PROX1: variants seen among roughly 807,000 people sequenced by gnomAD.
PROX1 encodes the protein prospero homeobox 1, also known as prospero homeobox protein 1.
PROX1 carries 7 observed loss-of-function variants against 58.8 expected under a neutral mutation model. That is an observed-to-expected ratio of 0.12 (90% confidence interval 0.07 to 0.22). PROX1 has a LOEUF of 0.22. Ranked by LOEUF, PROX1 falls within the 10% of genes least tolerant of loss-of-function variation. The pLI is 1.00. For missense variants in PROX1, 675 were observed against 927.8 expected (o/e 0.73, Z 3.54); for synonymous variants, 350 against 358.3 (o/e 0.98, Z 0.26).
At chr1:214,025,512 G>A (rs2102763358) in intron 4 of PROX1, among the ~76,000 whole-genome samples, 1 of 152,166 alleles carries the variant, frequency 6.6e-6, no homozygotes, top group Admixed American at 6.5e-5. Context: ...ATCCAACCTA[G>A]ACCAAATATG....
intron 3 of PROX1, among the ~76,000 whole-genome samples, chr1:214,006,995 G>T (rs1286108013): frequency 6.6e-6 from 1 of 152,150 alleles, no homozygotes; most frequent in Non-Finnish European, 1.5e-5. Context: ...CAGCCATTCT[G>T]AGCCAACACT....
intron 4 of PROX1, among the ~76,000 whole-genome samples, chr1:214,027,856 T>TTATATATATA (rs139270548): frequency 1.2e-4 from 18 of 144,928 alleles, no homozygotes; most frequent in African/African-American, 4.5e-4. Context: ...TTTCGAAGCT[T>TTATATATATA]TATATATATA....
At chr1:214,024,144 T>A (rs1193293688) in intron 4 of PROX1, among the ~76,000 whole-genome samples, 1 of 152,052 alleles carries the variant, frequency 6.6e-6, no homozygotes. Context: ...TGGGTAGGAG[T>A]CTAGTGGACT....
chr1:214,009,522 TG>T lies in PROX1; in HGVS notation c.1834-1997del, dbSNP rs557354405. Among the ~76,000 whole-genome samples the T allele has an allele frequency of 5.5e-3, 839 of 152,324 alleles. 5 individuals are homozygous for T. Among genetic ancestry groups the T allele is most frequent in the African/African-American group, 0.014 (576 of 41,582 alleles). ...TGAACAAATTTTAGTTCACTTCTCC[TG>T]GAGGGAAACCCTGTTCCTTAGGCTG... On this transcript the variant is annotated intron_variant, in intron 3 of 4. Coordinates refer to ENST00000366958, the MANE Select transcript of PROX1 (RefSeq NM_001270616.2).
intron 4 of PROX1, among the ~76,000 whole-genome samples, chr1:214,019,112 A>G (rs1296167846): frequency 6.6e-6 from 1 of 152,176 alleles, no homozygotes; most frequent in African/African-American, 2.4e-5. Flanking sequence ...ACTGAGCAAG[A>G]GCCACTGGCA....
In PROX1 at chr1:214,032,014, T is replaced by C. The variant is rs559441045; in HGVS notation, c.2029-3635T>C. Among the ~76,000 whole-genome samples, 5 of 152,366 alleles carry C rather than the reference T, an allele frequency of 3.3e-5. No individual in the cohort carries two copies. In the East Asian group the frequency reaches 7.7e-4, roughly 24 times the overall value. On this transcript the variant is annotated intron_variant, in intron 4 of 4. Coordinates refer to ENST00000366958, the MANE Select transcript of PROX1 (RefSeq NM_001270616.2). ...GAGTATCACCTCAAAGTAAGCACTA[T>C]ATTAACTAATCATTTTATTTGTTCA...
At chr1:214,013,923 A>G (rs1571825539) in intron 4 of PROX1, among the ~76,000 whole-genome samples, 1 of 152,318 alleles carries the variant, frequency 6.6e-6, no homozygotes, top group Non-Finnish European at 1.5e-5. Flanking sequence ...AGAAGGGAAG[A>G]AAGCAGGACC....
chr1:214,006,629 G>T (rs3754138), intron 3 of PROX1, among the ~76,000 whole-genome samples: 41,691 of 151,966 alleles, frequency 0.27, 5,939 homozygotes, highest in Admixed American at 0.39. Flanking sequence ...CAAATTGAAG[G>T]CAATTTGTCA....
chr1:214,031,066 T>C (rs10157262), intron 4 of PROX1, among the ~76,000 whole-genome samples: 6,708 of 95,000 alleles, frequency 0.071, 276 homozygotes, highest in African/African-American at 0.14. Flanking sequence ...TGTGTGTGTG[T>C]GCGCGCGCGC....
chr1:214,017,693 C>G (rs372898840), intron 4 of PROX1, among the ~76,000 whole-genome samples: 11 of 152,204 alleles, frequency 7.2e-5, no homozygotes, highest in South Asian at 2.1e-4. Flanking sequence ...CGCACCCCCC[C>G]ACAAATGATC....
intron 4 of PROX1, among the ~76,000 whole-genome samples, chr1:214,013,378 C>T (rs946972107): frequency 7.9e-5 from 12 of 152,100 alleles, no homozygotes; most frequent in African/African-American, 2.9e-4. Flanking sequence ...TTCTGCTAAG[C>T]CTGTTGCCCT....
chr1:214,040,354 T>A lies in PROX1; in HGVS notation c.*4520T>A, dbSNP rs188458481. 1 of 152,218 alleles carries A rather than the reference T, an allele frequency of 6.6e-6. No individual in the cohort carries two copies. The highest frequency in any genetic ancestry group is 1.5e-5 in the Non-Finnish European group (1 of 68,026). 9.4% of individuals were successfully genotyped at this position (152,218 alleles called of 1,614,324 possible). On this transcript the variant is annotated 3_prime_UTR_variant, in exon 5 of 5. Coordinates refer to ENST00000366958, the MANE Select transcript of PROX1 (RefSeq NM_001270616.2). ...CTTTTCAACTGAGCCTTCTCTCAAA[T>A]CTGACACCCCCTCAGAATGCACAAA...
At position 214,031,066 on chromosome 1, in the gene PROX1, T is replaced by TGCGC. The variant is rs1227672820; in HGVS notation, c.2029-4574_2029-4571dup. 5.6e-3 allele frequency among the ~76,000 whole-genome samples: 531 copies of TGCGC among 95,120 alleles called. 1 individual carries two copies. Among genetic ancestry groups the TGCGC allele is most frequent in the African/African-American group, 0.016 (505 of 31,272 alleles). The allele number at this position is 95,120 out of a possible 152,430, so 62.4% of individuals were successfully genotyped here. A position where few individuals can be genotyped will look rare whatever the true frequency, so the allele number is the denominator to read the frequency against. ...GTGTGTGTGTGTGTGTGTGTGTGTG[T>TGCGC]GCGCGCGCGCGCATTCGCGCACGCA... On this transcript the variant is annotated intron_variant, in intron 4 of 4. Coordinates refer to ENST00000366958, the MANE Select transcript of PROX1 (RefSeq NM_001270616.2).
At chr1:213,999,589 C>A (rs1407908253) in intron 2 of PROX1, among the ~76,000 whole-genome samples, 1 of 152,092 alleles carries the variant, frequency 6.6e-6, no homozygotes, top group Non-Finnish European at 1.5e-5. Flanking sequence ...AATCATGAGT[C>A]CTGCTTGGGC....
In PROX1 at chr1:214,038,510, C is replaced by T. The variant is rs1571852469; in HGVS notation, c.*2676C>T. The T allele has an allele frequency of 6.6e-6, 1 of 151,074 alleles. No individual in the cohort carries two copies. Among genetic ancestry groups the T allele is most frequent in the Non-Finnish European group, 1.5e-5 (1 of 67,830 alleles). 9.4% of individuals were successfully genotyped at this position (151,074 alleles called of 1,614,324 possible). On this transcript the variant is annotated 3_prime_UTR_variant, in exon 5 of 5. Transcript: ENST00000366958. ...ATGGTGAAGGATGAGGGACAGTTTA[C>T]ATAGGAAAAGAAAAAAAAAAGTCTA...
chr1:213,986,216 C>A (rs1426497235), upstream of PROX1: 2 of 151,382 alleles, frequency 1.3e-5, no homozygotes, highest in Non-Finnish European at 2.9e-5. Context: ...GGTGCGTGTG[C>A]GCTCCTCTGT....
intron 2 of PROX1, among the ~76,000 whole-genome samples, chr1:213,999,007 A>C (rs1388706462): frequency 6.6e-6 from 1 of 152,212 alleles, no homozygotes; most frequent in East Asian, 1.9e-4. Context: ...TCAGCCATAC[A>C]CAGAAATCTT....
intron 2 of PROX1, 90 bp downstream of exon 2, chr1:213,998,350 T>TA: frequency 1.4e-6 from 2 of 1,390,322 alleles, no homozygotes; most frequent in Non-Finnish European, 1.9e-6. Context: ...GTAATGTAGA[T>TA]TAGTATCTTC....
At chr1:214,007,858 G>A (rs577938829) in intron 3 of PROX1, among the ~76,000 whole-genome samples, 2 of 152,062 alleles carry the variant, frequency 1.3e-5, no homozygotes, top group Non-Finnish European at 2.9e-5. Context: ...AGAGAAATTG[G>A]GGAAGAGAAC....
Sources: allele counts gnomAD v4.1 joint callset (sites outside exome capture counted in the v4.1 genomes callset), GRCh38; gene constraint gnomAD v4.1.1; transcripts MANE v1.5; gene names NCBI Gene and HGNC (gene_info 2026-07-23, HGNC 2026-07-21).